DPCD: variants seen among roughly 807,000 people sequenced by gnomAD.
The protein encoded by DPCD is protein DPCD.
In DPCD, 20 loss-of-function variants were observed where a neutral mutation model predicts 26.4. That is an observed-to-expected ratio of 0.76 (90% CI 0.53 to 1.10). The LOEUF (loss-of-function observed/expected upper bound fraction) is 1.10, where lower values mean the gene tolerates loss of function less well. Among genes scored for constraint, DPCD ranks in the 50% least tolerant of loss-of-function variants. DPCD has a pLI of 0.00. For synonymous variants in DPCD, 97 were observed against 94.2 expected, an observed-to-expected ratio of 1.03 and a Z score of -0.17; for missense variants, 202 against 253.9, an observed-to-expected ratio of 0.80 and a Z score of 1.39.
chr10:101,601,261 C>T lies in DPCD; in HGVS notation c.329C>T (p.Pro110Leu). The change falls in exon 4 of 6, where the codon CCC (proline) becomes CTC (leucine). Residue 110 changes from proline (P) to leucine (L), a missense_variant. Coordinates refer to ENST00000370151, the MANE Select transcript of DPCD (RefSeq NM_015448.3). ...TTCCAGTGGCGGATTCGAAACCTCC[C>T]CTATCCTAAGGATGTCTATAGTGTC... ...MSFQWRIRNLPYPKDVYSVSV... is the reference protein window; with the variant it reads ...MSFQWRIRNLLYPKDVYSVSV... 6.2e-7 allele frequency: 1 copy of T among 1,613,812 alleles called. No individual in the cohort carries two copies. Among genetic ancestry groups the T allele is most frequent in the Non-Finnish European group, 8.5e-7 (1 of 1,179,912 alleles).
chr10:101,596,963 G>A (rs576571803), intron 2 of DPCD, among the ~76,000 whole-genome samples: 30 of 152,174 alleles, frequency 2.0e-4, no homozygotes, highest in Admixed American at 1.6e-3. Context: ...AGTTCCTCCC[G>A]TCGGTGTTAA....
rs753242714 is a variant in DPCD at position 101,603,756 on chromosome 10, CAA to C, written c.404+2432_404+2433del. Among the ~76,000 whole-genome samples the C allele has an allele frequency of 2.3e-5, 3 of 131,808 alleles. No individual in the cohort carries two copies. 86.5% of individuals were successfully genotyped at this position (131,808 alleles called of 152,430 possible). On this transcript the variant is annotated intron_variant, in intron 4 of 5. Transcript: ENST00000370151. This position sits in a 1 kb window ranked among gnomAD's most constrained non-coding sequence, Gnocchi z 4.6. The stretch of plus-strand genomic sequence containing the variant: ...TGGGTGACAGAGTGAGACTCCATCT[CAA>C]AAAAAAAAAAAGAGATGGAGTCTTG...
At chr10:101,605,690 A>G (rs958884461) in intron 4 of DPCD, among the ~76,000 whole-genome samples, 1 of 152,216 alleles carries the variant, frequency 6.6e-6, no homozygotes, top group Non-Finnish European at 1.5e-5. Context: ...ACCCCAGGGG[A>G]GACAACCTGT....
chr10:101,599,801 G>A (rs7902701), intron 2 of DPCD, among the ~76,000 whole-genome samples: 37,862 of 152,098 alleles, frequency 0.25, 5,023 homozygotes, highest in Non-Finnish European at 0.3. Context: ...TTTAGCACCA[G>A]CTGGGCTCCT....
chr10:101,600,690 C>T lies in DPCD; in HGVS notation c.146-48C>T, dbSNP rs763649960. On this transcript the variant is annotated intron_variant, in intron 2 of 5. Coordinates refer to ENST00000370151, the MANE Select transcript of DPCD (RefSeq NM_015448.3). This position sits in a 1 kb window ranked among gnomAD's most constrained non-coding sequence, Gnocchi z 4.7. ...AAAGAGCAGAGACCCTCTCTTCACT[C>T]TCATCCTGATGCTTGCTTCTCATCC... The T allele has an allele frequency of 1.3e-6, 2 of 1,595,792 alleles. No individual in the cohort carries two copies. Among genetic ancestry groups the T allele is most frequent in the African/African-American group, 1.4e-5 (1 of 73,864 alleles).
In DPCD at chr10:101,604,908, C is replaced by T. The variant is rs4919562; in HGVS notation, c.404+3572C>T. Among the ~76,000 whole-genome samples, 1,364 of 152,240 alleles carry T rather than the reference C, an allele frequency of 9.0e-3. 27 individuals carry two copies. The East Asian group carries it at 0.097, about 11-fold the overall frequency. ...GAGGAGAGCTTGGCTGATTTGACAT[C>T]GGTGATAGTAACACTGTGGGAGGTG... On this transcript the variant is annotated intron_variant, in intron 4 of 5. Transcript: ENST00000370151.
rs368272248 is a variant in DPCD at position 101,603,654 on chromosome 10, G to A, written c.404+2318G>A. Among the ~76,000 whole-genome samples, 57 of 152,098 alleles carry A rather than the reference G, an allele frequency of 3.7e-4. No individual in the cohort carries two copies. Among genetic ancestry groups the A allele is most frequent in the African/African-American group, 1.3e-3 (56 of 41,500 alleles). ...TGCCTGTAGTCCCAGCTACTCGGGA[G>A]GCTGAGGAAGGAGAATCGCTTGAAC... On this transcript the variant is annotated intron_variant, in intron 4 of 5. Coordinates refer to ENST00000370151, the MANE Select transcript of DPCD (RefSeq NM_015448.3). This position sits in a 1 kb window ranked among gnomAD's most constrained non-coding sequence, Gnocchi z 4.6.
chr10:101,605,090 T>C (rs1372083343), intron 4 of DPCD: 1 of 1,550,308 alleles, frequency 6.5e-7, no homozygotes, highest in Non-Finnish European at 8.7e-7. Flanking sequence ...GGTGCCAAGT[T>C]TGCCCAGAGC....
At chr10:101,594,568 C>T in intron 1 of DPCD, 90 bp from the exon 2 acceptor site, 1 of 1,334,208 alleles carries the variant, frequency 7.5e-7, no homozygotes, top group Non-Finnish European at 1.1e-6. Flanking sequence ...ACTCCCAAGG[C>T]TGGCACTGTT....
intron 4 of DPCD, among the ~76,000 whole-genome samples, chr10:101,606,362 T>C (rs1195635435): frequency 1.3e-5 from 2 of 152,216 alleles, no homozygotes; most frequent in Non-Finnish European, 2.9e-5. Context: ...GGTTTCACCA[T>C]GTTGGCCAGG....
intron 3 of DPCD, 91 bp from the exon 4 acceptor site, chr10:101,601,112 G>C: frequency 3.8e-6 from 6 of 1,570,014 alleles, no homozygotes; most frequent in East Asian, 2.2e-5. Flanking sequence ...GAAGAGCTGA[G>C]GGTCTTGTTG....
intron 1 of DPCD, among the ~76,000 whole-genome samples, chr10:101,591,168 C>T (rs1260681367): frequency 6.6e-6 from 1 of 152,178 alleles, no homozygotes; most frequent in East Asian, 1.9e-4. Context: ...CTTTTTAAGG[C>T]TGAGTGATAT....
chr10:101,601,168 AG>A (rs1564894363), intron 3 of DPCD, 34 bp from the exon 4 acceptor site: 2 of 1,612,728 alleles, frequency 1.2e-6, no homozygotes, highest in Middle Eastern at 1.8e-4. Context: ...TCCCTTCCCC[AG>A]GAACAGTCCT....
intron 1 of DPCD, among the ~76,000 whole-genome samples, chr10:101,591,044 A>G (rs1230039242): frequency 6.6e-6 from 1 of 152,178 alleles, no homozygotes; most frequent in Non-Finnish European, 1.5e-5. Context: ...TCATAAAGTA[A>G]ACCTCTAAAT....
chr10:101,597,287 A>G (rs188737482), intron 2 of DPCD, among the ~76,000 whole-genome samples: 31 of 152,322 alleles, frequency 2.0e-4, no homozygotes, highest in African/African-American at 6.7e-4. Context: ...GGCTTTATAA[A>G]TGACCCACTC....
intron 1 of DPCD, among the ~76,000 whole-genome samples, chr10:101,594,153 A>G (rs912908996): frequency 1.7e-4 from 22 of 125,926 alleles, no homozygotes; most frequent in African/African-American, 6.3e-4. Flanking sequence ...TTGGTCAGGA[A>G]ACCCAATTCA....
intron 1 of DPCD, 168 bp downstream of exon 1, chr10:101,588,568 C>T: frequency 1.4e-6 from 2 of 1,440,608 alleles, no homozygotes; most frequent in Non-Finnish European, 1.8e-6. Flanking sequence ...GATGACATGA[C>T]TGGAACACAT....
At chr10:101,597,184 CG>C (rs1487107000) in intron 2 of DPCD, among the ~76,000 whole-genome samples, 1 of 152,204 alleles carries the variant, frequency 6.6e-6, no homozygotes, top group Non-Finnish European at 1.5e-5. Flanking sequence ...TTCGGATTAC[CG>C]ACTTAATCTG....
chr10:101,596,785 A>G (rs547675965), intron 2 of DPCD: 4 of 151,988 alleles, frequency 2.6e-5, no homozygotes, highest in South Asian at 4.1e-4. Context: ...TGTGCATTCT[A>G]TGAAGTAAAG....
Sources: gnomAD v4.1 joint callset for allele counts (sites outside exome capture counted in the v4.1 genomes callset) on GRCh38, gnomAD v4.1.1 for gene constraint, Gnocchi (gnomAD v3.1) non-coding constraint, MANE v1.5 for transcripts, NCBI Gene and HGNC (gene_info 2026-07-23, HGNC 2026-07-21) for gene names.